The following FOXP2 variants were observed in gnomAD, a reference collection of about 807,000 sequenced individuals.
FOXP2 encodes forkhead box protein P2.
FOXP2 carries 12 observed loss-of-function variants against 115.8 expected under a neutral mutation model. That is an observed-to-expected ratio of 0.10 (90% CI 0.07 to 0.17). FOXP2 has a LOEUF of 0.17. Among genes scored for constraint, FOXP2 ranks in the 10% least tolerant of loss-of-function variants. The pLI is 1.00. For missense variants in FOXP2, 629 were observed against 843.5 expected (o/e 0.75, Z 3.15); for synonymous variants, 328 against 297.7 (o/e 1.10, Z -1.05).
chr7:114,364,534 T>G (rs559154364), intron 2 of FOXP2, among the ~76,000 whole-genome samples: 1 of 152,342 alleles, frequency 6.6e-6, no homozygotes, highest in African/African-American at 2.4e-5. Context: ...TATAGTTTGC[T>G]GTTTGTTAAT....
intron 1 of FOXP2, among the ~76,000 whole-genome samples, chr7:114,149,037 G>A (rs1792460873): frequency 6.6e-6 from 1 of 152,054 alleles, no homozygotes; most frequent in African/African-American, 2.4e-5. Context: ...TGTTAGTGCG[G>A]AACATAGCCT....
chr7:114,449,824 G>C (rs1794993968), intron 2 of FOXP2, among the ~76,000 whole-genome samples: 2 of 151,992 alleles, frequency 1.3e-5, no homozygotes, highest in Non-Finnish European at 2.9e-5. Flanking sequence ...TCTGAAATAA[G>C]TAAACCTAGA....
chr7:114,435,727 C>T (rs907741678), intron 2 of FOXP2, among the ~76,000 whole-genome samples: 6 of 152,130 alleles, frequency 3.9e-5, no homozygotes, highest in African/African-American at 9.6e-5. Flanking sequence ...TTAGTAGAGA[C>T]GGGGTTTCAC....
chr7:114,508,476 G>A (rs1392859712), intron 2 of FOXP2, among the ~76,000 whole-genome samples: 2 of 151,964 alleles, frequency 1.3e-5, no homozygotes, highest in African/African-American at 4.8e-5. Flanking sequence ...AAAAGCATGT[G>A]GTCTTAGTGC....
chr7:114,123,777 C>T (rs547066620), intron 1 of FOXP2, among the ~76,000 whole-genome samples: 22 of 152,160 alleles, frequency 1.4e-4, no homozygotes, highest in East Asian at 3.9e-4. Context: ...TTTATTCTTA[C>T]GTACAAAATA....
chr7:114,524,019 G>C (rs1344375024), intron 2 of FOXP2, among the ~76,000 whole-genome samples: 1 of 152,046 alleles, frequency 6.6e-6, no homozygotes, highest in African/African-American at 2.4e-5. Flanking sequence ...AAAAATAGAA[G>C]TAAATTCAAA....
intron 2 of FOXP2, among the ~76,000 whole-genome samples, chr7:114,303,020 G>A (rs920305280): frequency 2.0e-5 from 3 of 152,136 alleles, no homozygotes; most frequent in African/African-American, 2.4e-5. Context: ...TCTTGTGAGA[G>A]CCCGAGCAGA....
chr7:114,086,409 G>A, upstream of FOXP2: 3 of 345,294 alleles, frequency 8.7e-6, no homozygotes, highest in Admixed American at 4.0e-5. Flanking sequence ...CCCGCAGCCC[G>A]CCCGCGAACG....
At chr7:114,436,893 A>G (rs1794375806) in intron 2 of FOXP2, among the ~76,000 whole-genome samples, 1 of 152,138 alleles carries the variant, frequency 6.6e-6, no homozygotes, top group Non-Finnish European at 1.5e-5. Context: ...ATAAACATAT[A>G]CCTAAATGGT....
chr7:114,515,537 T>A (rs1242529214), intron 2 of FOXP2, among the ~76,000 whole-genome samples: 2 of 152,198 alleles, frequency 1.3e-5, no homozygotes, highest in Non-Finnish European at 2.9e-5. Flanking sequence ...TGTCTGTTCA[T>A]GTCCTTTGCC....
At chr7:114,104,192 T>C (rs1046338112) in intron 1 of FOXP2, among the ~76,000 whole-genome samples, 1 of 151,966 alleles carries the variant, frequency 6.6e-6, no homozygotes, top group African/African-American at 2.4e-5. Context: ...AAAGCACTTA[T>C]TTAAAAATAC....
chr7:114,146,407 G>A (rs935299168), intron 1 of FOXP2, among the ~76,000 whole-genome samples: 1 of 152,190 alleles, frequency 6.6e-6, no homozygotes. Flanking sequence ...TTGGAAGAAT[G>A]CTCTGCACAT....
At chr7:114,566,404 G>A (rs557160723) in intron 3 of FOXP2, among the ~76,000 whole-genome samples, 155 of 152,156 alleles carry the variant, frequency 1.0e-3, no homozygotes, top group African/African-American at 3.5e-3. Context: ...CCTCATGAAT[G>A]TCTTGGTGCC....
At chr7:114,306,952 C>A (rs576987528) in intron 2 of FOXP2, among the ~76,000 whole-genome samples, 1 of 152,082 alleles carries the variant, frequency 6.6e-6, no homozygotes, top group Non-Finnish European at 1.5e-5. Flanking sequence ...TACAGTGGGT[C>A]CACTGGCTAA....
intron 3 of FOXP2, among the ~76,000 whole-genome samples, chr7:114,627,625 T>G (rs1456026): frequency 6.6e-6 from 1 of 152,140 alleles, no homozygotes; most frequent in South Asian, 2.1e-4. Flanking sequence ...TTCTACGTTT[T>G]CCTTACTTCC....
intron 3 of FOXP2, among the ~76,000 whole-genome samples, chr7:114,550,112 C>CTTTTTTTTTTTT (rs941573098): frequency 1.8e-4 from 19 of 103,274 alleles, no homozygotes; most frequent in African/African-American, 5.8e-4. Flanking sequence ...CCTTTCTTTT[C>CTTTTTTTTTTTT]TTTTTTTTTT....
chr7:114,612,631 A>C (rs1803696565), intron 3 of FOXP2, among the ~76,000 whole-genome samples: 1 of 152,130 alleles, frequency 6.6e-6, no homozygotes, highest in South Asian at 2.1e-4. Flanking sequence ...TAGTGGCACT[A>C]AGTGACAGAA....
intron 1 of FOXP2, among the ~76,000 whole-genome samples, chr7:114,237,684 C>A (rs767086558): frequency 1.7e-4 from 26 of 150,834 alleles, no homozygotes; most frequent in Non-Finnish European, 3.4e-4. Flanking sequence ...TTATTGTATT[C>A]TATTTTAGGC....
chr7:114,242,449 A>G (rs1259949102), intron 1 of FOXP2, among the ~76,000 whole-genome samples: 1 of 152,066 alleles, frequency 6.6e-6, no homozygotes, highest in Non-Finnish European at 1.5e-5. Context: ...GTTGCATCAA[A>G]TTTACAATTT....
Sources: gnomAD v4.1 joint callset for allele counts (sites outside exome capture counted in the v4.1 genomes callset) on GRCh38, gnomAD v4.1.1 for gene constraint, MANE v1.5 for transcripts, NCBI Gene and HGNC (gene_info 2026-07-23, HGNC 2026-07-21) for gene names.